MOB3A: variants seen among roughly 807,000 people sequenced by gnomAD.
MOB3A encodes MOB kinase activator 3A.
A neutral mutation model predicts 17.8 loss-of-function variants in MOB3A; 17 were observed. The observed-to-expected ratio is 0.95, with a 90% CI of 0.65 to 1.43. The LOEUF (loss-of-function observed/expected upper bound fraction) is 1.43, where lower values mean the gene tolerates loss of function less well. Ranked by LOEUF, MOB3A falls within the 40% of genes most tolerant of loss-of-function variation. MOB3A has a pLI of 0.00. For missense variants in MOB3A, 333 were observed against 310.8 expected (o/e 1.07, Z -0.54); for synonymous variants, 124 against 133.2 (o/e 0.93, Z 0.48).
At position 2,071,771 on chromosome 19, in the gene MOB3A, T is replaced by A. The variant is rs1378025279; in HGVS notation, c.*1624A>T. ...TGGGAAAGGCCAATTCTGGCAGAAC[T>A]GGAAGATTCCAGACCAGGGGAGAGG... On this transcript the variant is annotated 3_prime_UTR_variant, in exon 5 of 5. Coordinates refer to ENST00000357066, the MANE Select transcript of MOB3A (RefSeq NM_130807.3). 6.5e-6 allele frequency: 1 copy of A among 153,396 alleles called. No homozygotes were observed. The highest frequency in any genetic ancestry group is 2.4e-5 in the African/African-American group (1 of 41,482). 9.5% of individuals were successfully genotyped at this position (153,396 alleles called of 1,614,324 possible).
intron 4 of MOB3A, among the ~76,000 whole-genome samples, chr19:2,074,657 A>G (rs2017381553): frequency 6.6e-6 from 1 of 151,450 alleles, no homozygotes; most frequent in Admixed American, 6.6e-5. Flanking sequence ...GGTTCAAACG[A>G]TTCTCCTGCC....
chr19:2,072,972 T>C lies in MOB3A; in HGVS notation c.*423A>G. On this transcript the variant is annotated 3_prime_UTR_variant, in exon 5 of 5. Transcript: ENST00000357066. ...AGGAGGCCGAGCAAGCTGGGTGCCC[T>C]TGAGAGACAGGCCCAGGCAGGGCTG... The C allele has an allele frequency of 5.3e-6, 1 of 189,420 alleles. No homozygotes were observed. Among genetic ancestry groups the C allele is most frequent in the Non-Finnish European group, 1.1e-5 (1 of 92,128 alleles). The allele number at this position is 189,420 out of a possible 1,614,324, so 11.7% of individuals were successfully genotyped here.
intron 1 of MOB3A, among the ~76,000 whole-genome samples, chr19:2,095,059 T>C (rs957423285): frequency 9.9e-5 from 15 of 152,130 alleles, no homozygotes; most frequent in African/African-American, 3.6e-4. Context: ...TAATCCCAGC[T>C]ACTCAGGAGG....
rs1205640121 is a variant in MOB3A, at chr19:2,078,675, C to T, written c.-115G>A. The T allele has an allele frequency of 1.3e-5, 14 of 1,059,780 alleles. No homozygotes were observed. Among genetic ancestry groups the T allele is most frequent in the Admixed American group, 2.7e-5 (1 of 37,464 alleles). The allele number at this position is 1,059,780 out of a possible 1,614,324, so 65.6% of individuals were successfully genotyped here. A position where few individuals can be genotyped will look rare whatever the true frequency, so the allele number is the denominator to read the frequency against. ...CTCACCAAGCCCCACAGCTCTCCCGCGGACCTGAAATACACAGGGGAATCA... is the reference window on the plus strand; with the variant it reads ...CTCACCAAGCCCCACAGCTCTCCCGTGGACCTGAAATACACAGGGGAATCA... On this transcript the variant is annotated 5_prime_UTR_variant, in exon 3 of 5. Coordinates refer to ENST00000357066, the MANE Select transcript of MOB3A (RefSeq NM_130807.3).
chr19:2,081,342 C>T (rs1158427698), intron 2 of MOB3A, among the ~76,000 whole-genome samples: 1 of 152,108 alleles, frequency 6.6e-6, no homozygotes, highest in Non-Finnish European at 1.5e-5. Flanking sequence ...AATCCCGGCA[C>T]TTTGGGAGGC....
chr19:2,076,281 A>C (rs1213193201), intron 4 of MOB3A, among the ~76,000 whole-genome samples: 1 of 150,882 alleles, frequency 6.6e-6, no homozygotes, highest in Non-Finnish European at 1.5e-5. Context: ...AAACACAAAA[A>C]ATTAGCTGGA....
intron 1 of MOB3A, among the ~76,000 whole-genome samples, chr19:2,094,778 T>A (rs1375633413): frequency 6.6e-6 from 1 of 152,246 alleles, no homozygotes; most frequent in Non-Finnish European, 1.5e-5. Flanking sequence ...AATGTCAACA[T>A]TTATCCAACC....
At chr19:2,092,496 G>A (rs1308240498) in intron 1 of MOB3A, among the ~76,000 whole-genome samples, 1 of 152,146 alleles carries the variant, frequency 6.6e-6, no homozygotes, top group Non-Finnish European at 1.5e-5. Context: ...GGAAAAGGGG[G>A]TGAGGCGCGG....
At chr19:2,076,123 CAAAAAAAAAAA>C (rs771808104) in intron 4 of MOB3A, among the ~76,000 whole-genome samples, 1 of 34,382 alleles carries the variant, frequency 2.9e-5, no homozygotes, top group African/African-American at 1.4e-4. Context: ...ACTCCATCTC[CAAAAAAAAAAA>C]AAAAAAAAAA....
In MOB3A at chr19:2,078,227, C is replaced by T. The variant is rs1157423970; in HGVS notation, c.334G>A (p.Ala112Thr). Residue 112 changes from alanine (A) to threonine (T), a missense_variant, in exon 3 of 5, where the codon GCA becomes ACA. Coordinates refer to ENST00000357066, the MANE Select transcript of MOB3A (RefSeq NM_130807.3). The part of the protein sequence containing the change: ...QDEHKFRKPT[A>T]LSAPRYMDLL... ...TCCATGTACCTGGGCGCGGAGAGTG[C>T]CGTGGGCTTCCGGAACTTATGCTCA... is the stretch of plus-strand genomic sequence containing the variant. 1 of 1,613,770 alleles carries T rather than the reference C, an allele frequency of 6.2e-7. No individual in the cohort carries two copies. The highest frequency in any genetic ancestry group is 8.5e-7 in the Non-Finnish European group (1 of 1,179,800).
rs1311257790 is a variant in MOB3A, at chr19:2,082,859, T to C, written c.-120+2316A>G. ...CAGGTTCTCGCTCTGCTGCTCAGGC[T>C]AGAGTGCAGTGGCAGGATCATGGCT... On this transcript the variant is annotated intron_variant, in intron 2 of 4. Coordinates refer to ENST00000357066, the MANE Select transcript of MOB3A (RefSeq NM_130807.3). The surrounding 1 kb of genome is among the most constrained non-coding windows in gnomAD (Gnocchi z 4.1). Among the ~76,000 whole-genome samples, 2 of 152,202 alleles carry C rather than the reference T, an allele frequency of 1.3e-5. No individual in the cohort carries two copies. Among genetic ancestry groups the C allele is most frequent in the Admixed American group, 1.3e-4 (2 of 15,270 alleles).
intron 2 of MOB3A, among the ~76,000 whole-genome samples, chr19:2,080,352 C>T (rs1283996307): frequency 2.0e-5 from 3 of 152,138 alleles, no homozygotes; most frequent in African/African-American, 4.8e-5. Flanking sequence ...AACACACATT[C>T]ATCACGTTCT....
At chr19:2,086,080 GC>G (rs1446765941) in intron 1 of MOB3A, among the ~76,000 whole-genome samples, 1 of 148,906 alleles carries the variant, frequency 6.7e-6, no homozygotes, top group East Asian at 2.0e-4. Flanking sequence ...TGCTCTTGTT[GC>G]CCAGGCTGGA....
intron 2 of MOB3A, among the ~76,000 whole-genome samples, chr19:2,083,253 C>T (rs868670379): frequency 2.6e-5 from 4 of 152,316 alleles, no homozygotes; most frequent in African/African-American, 7.2e-5. Context: ...TGGTATCCCC[C>T]GGGGCCGGGG....
chr19:2,073,185 C>G lies in MOB3A; in HGVS notation c.*210G>C. The stretch of plus-strand genomic sequence containing the variant: ...AGAATTACAGAGTTCACGTTTTAGT[C>G]CCAGACGGGAGACTGAGGCTCGAGA... On this transcript the variant is annotated 3_prime_UTR_variant, in exon 5 of 5. Transcript: ENST00000357066. The G allele has an allele frequency of 1.6e-6, 1 of 642,180 alleles. No individual in the cohort carries two copies. Among genetic ancestry groups the G allele is most frequent in the South Asian group, 1.8e-5 (1 of 55,386 alleles). The allele number at this position is 642,180 out of a possible 1,614,324, so 39.8% of individuals were successfully genotyped here. A position where few individuals can be genotyped will look rare whatever the true frequency, so the allele number is the denominator to read the frequency against.
rs1484736535 is a variant in MOB3A at position 2,082,697 on chromosome 19, C to T, written c.-120+2478G>A. On this transcript the variant is annotated intron_variant, in intron 2 of 4. Coordinates refer to ENST00000357066, the MANE Select transcript of MOB3A (RefSeq NM_130807.3). This position sits in a 1 kb window ranked among gnomAD's most constrained non-coding sequence, Gnocchi z 4.1. ...GGGCCAGCGCTGCTCCACCACGGGG[C>T]CCCTCCACTGCCTAGCAGAGCCACG... 6.6e-6 allele frequency among the ~76,000 whole-genome samples: 1 copy of T among 152,188 alleles called. No individual in the cohort carries two copies. The highest frequency in any genetic ancestry group is 6.6e-5 in the Admixed American group (1 of 15,266).
chr19:2,080,756 C>T (rs2017477670), intron 2 of MOB3A, among the ~76,000 whole-genome samples: 3 of 152,124 alleles, frequency 2.0e-5, no homozygotes, highest in Admixed American at 2.0e-4. Context: ...TTGGGGCTGC[C>T]ATCACAAATC....
chr19:2,076,442 A>C (rs2017409499), intron 4 of MOB3A, among the ~76,000 whole-genome samples: 1 of 152,090 alleles, frequency 6.6e-6, no homozygotes, highest in African/African-American at 2.4e-5. Context: ...AAAACAAACA[A>C]AAACAAACAA....
In MOB3A at chr19:2,071,072, G is replaced by GGCTGGGGGAGGGTGGTC. The variant is rs1364431044; in HGVS notation, c.*2306_*2322dup. 2 of 152,080 alleles carry GGCTGGGGGAGGGTGGTC rather than the reference G, an allele frequency of 1.3e-5. No individual in the cohort carries two copies. The highest frequency in any genetic ancestry group is 2.4e-5 in the African/African-American group (1 of 41,310). The allele number at this position is 152,080 out of a possible 1,614,324, so 9.4% of individuals were successfully genotyped here. On this transcript the variant is annotated 3_prime_UTR_variant, in exon 5 of 5. Coordinates refer to ENST00000357066, the MANE Select transcript of MOB3A (RefSeq NM_130807.3). ...GCGTCTGTAGTTTTATTCCGTATCT[G>GGCTGGGGGAGGGTGGTC]GCTGGGGGAGGGTGGTCTCCGAGGT...
Sources: gnomAD v4.1 joint callset for allele counts (sites outside exome capture counted in the v4.1 genomes callset) on GRCh38, gnomAD v4.1.1 for gene constraint, Gnocchi (gnomAD v3.1) non-coding constraint, MANE v1.5 for transcripts, NCBI Gene and HGNC (gene_info 2026-07-23, HGNC 2026-07-21) for gene names.